The following ZNF385C variants were observed in gnomAD, a reference collection of about 807,000 sequenced individuals.
ZNF385C encodes the protein zinc finger protein 385C, also known as CTD-2132N18.2.
A neutral mutation model predicts 35.4 loss-of-function variants in ZNF385C; 28 were observed. That is an observed-to-expected ratio of 0.79 (90% CI 0.59 to 1.08). The LOEUF (loss-of-function observed/expected upper bound fraction) is 1.08. ZNF385C is among the 50% of genes least tolerant of loss of function. The probability of loss-of-function intolerance (pLI) is 0.00; values close to 1 mark genes in which losing one functional copy is unlikely to be tolerated. For missense variants in ZNF385C, 605 were observed against 595.6 expected, an observed-to-expected ratio of 1.02 and a Z score of -0.16; for synonymous variants, 248 against 248.2, an observed-to-expected ratio of 1.00 and a Z score of 0.01.
chr17:42,087,115 TACTTA>T (rs1183026627), intron 1 of ZNF385C, among the ~76,000 whole-genome samples: 1 of 152,218 alleles, frequency 6.6e-6, no homozygotes, highest in Non-Finnish European at 1.5e-5. Flanking sequence ...GAGGCCTGTA[TACTTA>T]AGCCTTAATA....
intron 2 of ZNF385C, chr17:42,040,066 C>T: frequency 1.6e-6 from 2 of 1,231,198 alleles, no homozygotes; most frequent in Non-Finnish European, 1.0e-6. Context: ...GCCCAGCGCC[C>T]GCTGGCGCAC....
chr17:42,028,472 G>T, intron 6 of ZNF385C: 1 of 587,906 alleles, frequency 1.7e-6, no homozygotes, highest in Non-Finnish European at 2.9e-6. Context: ...CTTCCCCTTT[G>T]CTTTGATCTC....
chr17:42,079,468 C>T (rs2053724782), intron 1 of ZNF385C, among the ~76,000 whole-genome samples: 1 of 146,760 alleles, frequency 6.8e-6, no homozygotes, highest in South Asian at 2.2e-4. Context: ...GCAGGAGGAT[C>T]ACTTGAGGCC....
At chr17:42,078,044 G>A (rs1251184801) in intron 1 of ZNF385C, among the ~76,000 whole-genome samples, 8 of 152,164 alleles carry the variant, frequency 5.3e-5, no homozygotes, top group Non-Finnish European at 2.9e-5. Context: ...AGTGGAAACC[G>A]GGACAGTTGT....
chr17:42,026,987 G>T lies in ZNF385C; in HGVS notation c.1422C>A (p.Phe474Leu). ...RPAPTAATTL[F>L]PAPILGPALF... The stretch of plus-strand genomic sequence containing the variant: ...GAGCTGGGCCCAGGATGGGAGCCGG[G>T]AAGAGGGTAGTGGCTGCTGTAGGGG... Residue 474 changes from phenylalanine to leucine, a missense_variant, in exon 9 of 9, where the codon TTC (phenylalanine) becomes TTA (leucine). Coordinates refer to ENST00000692273, the MANE Select transcript of ZNF385C (RefSeq NM_001392013.1). 6.2e-7 allele frequency: 1 copy of T among 1,611,512 alleles called. No individual in the cohort carries two copies. Among genetic ancestry groups the T allele is most frequent in the Non-Finnish European group, 8.5e-7 (1 of 1,178,560 alleles).
chr17:42,094,531 ACT>A (rs1185241423), intron 1 of ZNF385C, among the ~76,000 whole-genome samples: 1 of 152,092 alleles, frequency 6.6e-6, no homozygotes, highest in African/African-American at 2.4e-5. Context: ...ACATAGAAAG[ACT>A]CACAGAAAAA....
Position 42,026,356 on chromosome 17 carries a change from C to G in ZNF385C, c.*541G>C, listed in dbSNP as rs4796761. ...AACCAGCCCCACTACCTCCTTGGCT[C>G]TGCCCCACCTTAGCACTGCTGATCG... On this transcript the variant is annotated 3_prime_UTR_variant, in exon 9 of 9. Coordinates refer to ENST00000692273, the MANE Select transcript of ZNF385C (RefSeq NM_001392013.1). The G allele has an allele frequency of 6.2e-6, 1 of 160,722 alleles. No homozygotes were observed. Among genetic ancestry groups the G allele is most frequent in the Non-Finnish European group, 1.4e-5 (1 of 72,686 alleles). The allele number at this position is 160,722 out of a possible 1,614,324, so 10.0% of individuals were successfully genotyped here. A position where few individuals can be genotyped will look rare whatever the true frequency, so the allele number is the denominator to read the frequency against.
chr17:42,077,201 C>G (rs1036116446), intron 1 of ZNF385C, among the ~76,000 whole-genome samples: 5 of 152,362 alleles, frequency 3.3e-5, no homozygotes, highest in Admixed American at 1.3e-4. Flanking sequence ...GCACCTTGCT[C>G]TGACTGTGTG....
chr17:42,051,773 A>G (rs1213712253), intron 2 of ZNF385C, among the ~76,000 whole-genome samples: 1 of 152,096 alleles, frequency 6.6e-6, no homozygotes, highest in Non-Finnish European at 1.5e-5. Context: ...TGTTGATTTG[A>G]GGTCCCAGCC....
At chr17:42,064,086 A>ACACACACG (rs2053511338) in intron 1 of ZNF385C, among the ~76,000 whole-genome samples, 2 of 115,116 alleles carry the variant, frequency 1.7e-5, no homozygotes, top group Admixed American at 8.6e-5. Flanking sequence ...ACACACACAC[A>ACACACACG]CACACACACA....
intron 1 of ZNF385C, among the ~76,000 whole-genome samples, chr17:42,089,971 G>T (rs1555660389): frequency 6.6e-6 from 1 of 152,172 alleles, no homozygotes; most frequent in Non-Finnish European, 1.5e-5. Context: ...TAAAATGTTT[G>T]CATTCAAAAC....
intron 1 of ZNF385C, among the ~76,000 whole-genome samples, chr17:42,072,725 C>T (rs1472027272): frequency 6.6e-6 from 1 of 152,048 alleles, no homozygotes; most frequent in Non-Finnish European, 1.5e-5. Flanking sequence ...AGCCGCGCCG[C>T]CCCCGCCGGC....
At chr17:42,077,886 G>A (rs938402804) in intron 1 of ZNF385C, among the ~76,000 whole-genome samples, 1 of 151,614 alleles carries the variant, frequency 6.6e-6, no homozygotes, top group African/African-American at 2.4e-5. Flanking sequence ...CCCACATTTT[G>A]CCTCCTAAAA....
At chr17:42,045,984 C>T (rs1456307188) in intron 2 of ZNF385C, among the ~76,000 whole-genome samples, 7 of 152,190 alleles carry the variant, frequency 4.6e-5, no homozygotes, top group Admixed American at 3.9e-4. Context: ...TACTTTGTCC[C>T]TGCCTTCATC....
rs544531167 is a variant in ZNF385C at position 42,051,390 on chromosome 17, T to C, written c.250+11417A>G. Among the ~76,000 whole-genome samples the C allele has an allele frequency of 2.6e-5, 4 of 152,054 alleles. No individual in the cohort carries two copies. In the South Asian group the frequency reaches 8.3e-4, roughly 32 times the overall value. Reference sequence around the variant, plus strand: ...GTCTGCGTTACTCTGAGAGGTGAATTGAGGAGCTTCCCTGCAAGAGGAATG... The same window carrying C: ...GTCTGCGTTACTCTGAGAGGTGAATCGAGGAGCTTCCCTGCAAGAGGAATG... On this transcript the variant is annotated intron_variant, in intron 2 of 8. Coordinates refer to ENST00000692273, the MANE Select transcript of ZNF385C (RefSeq NM_001392013.1).
At chr17:42,048,096 C>G (rs949346265) in intron 2 of ZNF385C, among the ~76,000 whole-genome samples, 114 of 152,114 alleles carry the variant, frequency 7.5e-4, no homozygotes, top group African/African-American at 2.4e-3. Context: ...TCTCCTCCCC[C>G]CCTTCCCAAC....
intron 1 of ZNF385C, among the ~76,000 whole-genome samples, chr17:42,066,552 T>C (rs1406399960): frequency 2.0e-5 from 3 of 152,174 alleles, no homozygotes; most frequent in Non-Finnish European, 2.9e-5. Flanking sequence ...GGTGTCATTG[T>C]GCCCAGACCA....
At chr17:42,057,497 TGCGCGCGCGC>T (rs58127530) in intron 2 of ZNF385C, among the ~76,000 whole-genome samples, 2,920 of 46,862 alleles carry the variant, frequency 0.062, 112 homozygotes, top group African/African-American at 0.11. Context: ...TTTAGGGGTG[TGCGCGCGCGC>T]GCGCGCGTGT....
chr17:42,060,693 C>T (rs1169233066), intron 2 of ZNF385C, among the ~76,000 whole-genome samples: 2 of 152,102 alleles, frequency 1.3e-5, no homozygotes, highest in Non-Finnish European at 2.9e-5. Flanking sequence ...TGTCAGTTTG[C>T]CTCTCCCTCC....
Sources: allele counts gnomAD v4.1 joint callset (sites outside exome capture counted in the v4.1 genomes callset), GRCh38; gene constraint gnomAD v4.1.1; transcripts MANE v1.5; gene names NCBI Gene and HGNC (gene_info 2026-07-23, HGNC 2026-07-21).